Variants in SSPN observed in about 807,000 individuals in gnomAD.
The protein encoded by SSPN is K-ras oncogene-associated protein.
A neutral mutation model predicts 19.1 loss-of-function variants in SSPN; 15 were observed. The observed-to-expected ratio is 0.78, with a 90% CI of 0.52 to 1.21. SSPN has a LOEUF of 1.21. Ranked by LOEUF, SSPN falls within the 50% of genes most tolerant of loss-of-function variation. The probability of loss-of-function intolerance (pLI) is 0.00; values close to 1 mark genes in which losing one functional copy is unlikely to be tolerated. For synonymous variants in SSPN, 147 were observed against 140.3 expected, an observed-to-expected ratio of 1.05 and a Z score of -0.34; for missense variants, 291 against 314.0, an observed-to-expected ratio of 0.93 and a Z score of 0.55.
intron 1 of SSPN, among the ~76,000 whole-genome samples, chr12:26,183,846 C>T (rs1565680622): frequency 6.6e-6 from 1 of 152,232 alleles, no homozygotes; most frequent in African/African-American, 2.4e-5. Context: ...CATAGTGAGC[C>T]TCTTCACAGT....
chr12:26,152,670 C>G (rs1944532447), intron 1 of SSPN, among the ~76,000 whole-genome samples: 1 of 152,214 alleles, frequency 6.6e-6, no homozygotes, highest in East Asian at 1.9e-4. Flanking sequence ...GCAATAGCCT[C>G]TAGTTGTTCT....
intron 1 of SSPN, among the ~76,000 whole-genome samples, chr12:26,201,641 AT>A (rs1011077294): frequency 9.9e-5 from 15 of 151,680 alleles, no homozygotes; most frequent in African/African-American, 3.1e-4. Context: ...AGGTTCTAAT[AT>A]TTTTTTTAAT....
chr12:26,124,956 TCGCACACACA>T (rs1489277709), intron 1 of SSPN: 2 of 696,454 alleles, frequency 2.9e-6, no homozygotes, highest in East Asian at 5.4e-5. Flanking sequence ...TCCACCGCGC[TCGCACACACA>T]CACGCACACA....
At chr12:26,185,841 C>T (rs1944750460) in intron 1 of SSPN, among the ~76,000 whole-genome samples, 2 of 152,216 alleles carry the variant, frequency 1.3e-5, no homozygotes, top group African/African-American at 4.8e-5. Context: ...ACACACAATT[C>T]TGTCCCAGCG....
At chr12:26,175,079 G>A (rs534029701) in intron 1 of SSPN, among the ~76,000 whole-genome samples, 15 of 152,236 alleles carry the variant, frequency 9.9e-5, no homozygotes, top group African/African-American at 3.1e-4. Flanking sequence ...TATCCTGGGC[G>A]AGGTCATATG....
chr12:26,122,210 C>T (rs1255414325), intron 1 of SSPN: 16 of 1,338,826 alleles, frequency 1.2e-5, no homozygotes, highest in South Asian at 6.4e-5. Flanking sequence ...CCACCTCGTG[C>T]GGCAGGAGGG....
chr12:26,160,495 C>A (rs978061728), intron 1 of SSPN, among the ~76,000 whole-genome samples: 1 of 152,196 alleles, frequency 6.6e-6, no homozygotes, highest in Non-Finnish European at 1.5e-5. Flanking sequence ...ACAGCCAGGG[C>A]AAACTTATCT....
chr12:26,135,998 T>C (rs1013839024), intron 1 of SSPN, among the ~76,000 whole-genome samples: 9 of 152,222 alleles, frequency 5.9e-5, no homozygotes, highest in Non-Finnish European at 1.0e-4. Flanking sequence ...ACCCTCCATA[T>C]CTGTGGGCTC....
intron 1 of SSPN, among the ~76,000 whole-genome samples, chr12:26,173,222 G>A (rs1201105661): frequency 6.6e-6 from 1 of 152,186 alleles, no homozygotes; most frequent in Non-Finnish European, 1.5e-5. Context: ...AGGAGTGTCT[G>A]TGTGTTTCCT....
chr12:26,166,219 A>G (rs191550979), intron 1 of SSPN, among the ~76,000 whole-genome samples: 6 of 152,286 alleles, frequency 3.9e-5, no homozygotes, highest in Non-Finnish European at 5.9e-5. Context: ...GTGTATACCT[A>G]TGTAACAAAC....
At chr12:26,124,221 A>G (rs1944341514) in intron 1 of SSPN, 1 of 1,328,606 alleles carries the variant, frequency 7.5e-7, no homozygotes, top group Admixed American at 1.7e-5. Flanking sequence ...ACAGTAAGCG[A>G]AACATTCACT....
intron 1 of SSPN, among the ~76,000 whole-genome samples, chr12:26,137,064 G>T (rs924122869): frequency 6.6e-6 from 1 of 152,140 alleles, no homozygotes; most frequent in South Asian, 2.1e-4. Context: ...GACTTTTATG[G>T]CAGTTACTCT....
intron 1 of SSPN, among the ~76,000 whole-genome samples, chr12:26,148,976 C>T (rs1325966701): frequency 6.6e-6 from 1 of 152,178 alleles, no homozygotes; most frequent in Non-Finnish European, 1.5e-5. Context: ...TCTTTGTTCT[C>T]CATCACACAT....
chr12:26,122,390 A>C, intron 1 of SSPN: 1 of 1,250,782 alleles, frequency 8.0e-7, no homozygotes, highest in Non-Finnish European at 1.0e-6. Flanking sequence ...CCGGGTACAG[A>C]TACTTCTCCA....
At chr12:26,137,906 C>G (rs1187960226) in intron 1 of SSPN, among the ~76,000 whole-genome samples, 1 of 151,294 alleles carries the variant, frequency 6.6e-6, no homozygotes. Context: ...CCTCAAGTGA[C>G]CTACCCACCT....
chr12:26,168,873 C>A (rs970118945), intron 1 of SSPN, among the ~76,000 whole-genome samples: 2 of 152,104 alleles, frequency 1.3e-5, no homozygotes, highest in Non-Finnish European at 2.9e-5. Context: ...TAATGTGGTA[C>A]CTACCATGTT....
chr12:26,132,688 C>G (rs948086115), intron 1 of SSPN, among the ~76,000 whole-genome samples: 9 of 152,208 alleles, frequency 5.9e-5, no homozygotes, highest in African/African-American at 2.2e-4. Context: ...CCACCCCTTC[C>G]AAGCATATAC....
At chr12:26,122,163 C>T in intron 1 of SSPN, 2 of 1,537,770 alleles carry the variant, frequency 1.3e-6, no homozygotes, top group Admixed American at 2.0e-5. Context: ...GTGGGTGCGG[C>T]CGTGCGGGTG....
chr12:26,130,518 A>G (rs894748954), intron 1 of SSPN, among the ~76,000 whole-genome samples: 2 of 152,228 alleles, frequency 1.3e-5, no homozygotes, highest in Admixed American at 1.3e-4. Context: ...AAAACTTTTT[A>G]TTTAATAGCT....
Sources: gnomAD v4.1 joint callset for allele counts (sites outside exome capture counted in the v4.1 genomes callset) on GRCh38, gnomAD v4.1.1 for gene constraint, MANE v1.5 for transcripts, NCBI Gene and HGNC (gene_info 2026-07-23, HGNC 2026-07-21) for gene names.